Variants in RSBN1L observed in about 807,000 individuals in gnomAD.
The protein encoded by RSBN1L is round spermatid basic protein 1 like, also known as lysine-specific demethylase RSBN1L.
A neutral mutation model predicts 67.7 loss-of-function variants in RSBN1L; 30 were observed. The ratio of observed to expected loss-of-function variants is 0.44; its 90% CI spans 0.33 to 0.60. The LOEUF is 0.60. RSBN1L is among the 20% of genes least tolerant of loss of function. The pLI, the probability that RSBN1L is intolerant of heterozygous loss-of-function variation, is 0.02. For synonymous variants in RSBN1L, 433 were observed against 387.0 expected (o/e 1.12, Z -1.39); for missense variants, 992 against 1,031.7 (o/e 0.96, Z 0.53).
chr7:77,772,987 G>A (rs1385182435), intron 5 of RSBN1L, among the ~76,000 whole-genome samples, 160 bp from the exon 6 acceptor site: 1 of 152,032 alleles, frequency 6.6e-6, no homozygotes, highest in Non-Finnish European at 1.5e-5. Flanking sequence ...AAAAATGAGG[G>A]TATCGTATTT....
chr7:77,749,821 C>G lies in RSBN1L; in HGVS notation c.1101C>G (p.Asn367Lys). ...CATCGGTTATCCATGCCTACAGTAA[C>G]GAACTCTCCCACCTGTCTCCTATGG... ...GGASVIHAYS[N>K]ELSHLSPMEM... Residue 367 changes from asparagine to lysine, a missense_variant, in exon 3 of 8, where the codon AAC becomes AAG. By Grantham distance (94) the Asn-to-Lys change is moderately conservative. Coordinates refer to ENST00000334955, the MANE Select transcript of RSBN1L (RefSeq NM_198467.3). 6.2e-7 allele frequency: 1 copy of G among 1,614,156 alleles called. No homozygotes were observed.
intron 3 of RSBN1L, among the ~76,000 whole-genome samples, chr7:77,755,820 GT>G (rs1020744215): frequency 2.0e-5 from 3 of 152,158 alleles, no homozygotes; most frequent in Non-Finnish European, 2.9e-5. Context: ...AAAATTATGA[GT>G]TGAACCTTCT....
intron 2 of RSBN1L, among the ~76,000 whole-genome samples, chr7:77,739,890 C>T (rs1488265734): frequency 2.0e-5 from 3 of 149,322 alleles, no homozygotes; most frequent in Non-Finnish European, 4.5e-5. Context: ...GCTGGGATTA[C>T]AGCCGCACGC....
At chr7:77,702,903 T>C (rs537821498) in intron 1 of RSBN1L, among the ~76,000 whole-genome samples, 1 of 152,322 alleles carries the variant, frequency 6.6e-6, no homozygotes, top group East Asian at 1.9e-4. Flanking sequence ...GGATTGGGAC[T>C]GTGCCCTTTG....
intron 2 of RSBN1L, among the ~76,000 whole-genome samples, chr7:77,740,900 TG>T (rs1791399847): frequency 6.6e-6 from 1 of 152,032 alleles, no homozygotes; most frequent in Non-Finnish European, 1.5e-5. Flanking sequence ...CGTGTGTATC[TG>T]TGGTACTTTG....
intron 1 of RSBN1L, among the ~76,000 whole-genome samples, chr7:77,718,257 C>T (rs1562796278): frequency 6.6e-6 from 1 of 151,954 alleles, no homozygotes; most frequent in African/African-American, 2.4e-5. Flanking sequence ...TATATTAAGC[C>T]TTTTTTCTTT....
chr7:77,697,087 GC>G lies in RSBN1L; in HGVS notation c.586+33del. On this transcript the variant is annotated intron_variant, in intron 1 of 7. Transcript: ENST00000334955. ...GCCGTGCGGGGAGGGGGAGGGGAGGGCGCCGTGGGTCCCCGCCGCCCCCTGG... is the reference window on the plus strand; with the variant it reads ...GCCGTGCGGGGAGGGGGAGGGGAGGGGCCGTGGGTCCCCGCCGCCCCCTGG... The G allele has an allele frequency of 3.7e-6, 5 of 1,348,310 alleles. 1 individual carries two copies. The highest frequency in any genetic ancestry group is 2.8e-4 in the Middle Eastern group (1 of 3,578). The allele number at this position is 1,348,310 out of a possible 1,614,324, so 83.5% of individuals were successfully genotyped here. A position where few individuals can be genotyped will look rare whatever the true frequency, so the allele number is the denominator to read the frequency against.
chr7:77,761,550 A>G (rs1196697687), intron 3 of RSBN1L, among the ~76,000 whole-genome samples: 3 of 152,336 alleles, frequency 2.0e-5, no homozygotes, highest in East Asian at 1.9e-4. Flanking sequence ...TTTTGCAACA[A>G]AAGAGGTGTC....
intron 1 of RSBN1L, among the ~76,000 whole-genome samples, chr7:77,718,692 T>C (rs1392220131): frequency 6.6e-6 from 1 of 152,216 alleles, no homozygotes; most frequent in Non-Finnish European, 1.5e-5. Flanking sequence ...TTATCTATAA[T>C]AAGACTTTGT....
chr7:77,735,917 T>A (rs28403091), intron 1 of RSBN1L, among the ~76,000 whole-genome samples: 20,146 of 152,096 alleles, frequency 0.13, 1,440 homozygotes, highest in African/African-American at 0.18. Context: ...CAACATCTAG[T>A]CTTATGTATG....
intron 1 of RSBN1L, among the ~76,000 whole-genome samples, chr7:77,709,999 A>G (rs572621409): frequency 6.6e-6 from 1 of 152,230 alleles, no homozygotes; most frequent in South Asian, 2.1e-4. Flanking sequence ...CGTCTTGGAA[A>G]CTGGATTTGT....
intron 1 of RSBN1L, among the ~76,000 whole-genome samples, chr7:77,712,840 C>G (rs1450004150): frequency 6.6e-6 from 1 of 152,110 alleles, no homozygotes; most frequent in Non-Finnish European, 1.5e-5. Context: ...CGTTTATTCA[C>G]TTAAAACTTA....
rs1384346711 is a variant in RSBN1L, at chr7:77,781,833, A to T, written c.*2665A>T. ...CCCCGTCTCTACTAAAAATACAAAA[A>T]AATTAGTTGGGCGTGGTGGCGTGCG... On this transcript the variant is annotated 3_prime_UTR_variant, in exon 8 of 8. Coordinates refer to ENST00000334955, the MANE Select transcript of RSBN1L (RefSeq NM_198467.3). The T allele has an allele frequency of 3.9e-5, 6 of 152,122 alleles. No homozygotes were observed. Among genetic ancestry groups the T allele is most frequent in the Admixed American group, 3.3e-4 (5 of 15,264 alleles). The allele number at this position is 152,122 out of a possible 1,614,324, so 9.4% of individuals were successfully genotyped here.
chr7:77,723,944 ATTT>A (rs10718037), intron 1 of RSBN1L, among the ~76,000 whole-genome samples: 1 of 149,212 alleles, frequency 6.7e-6, no homozygotes, highest in African/African-American at 2.5e-5. Context: ...CAAAAAAAAA[ATTT>A]TTTTTTTTTT....
At chr7:77,744,429 T>C (rs567369476) in intron 2 of RSBN1L, among the ~76,000 whole-genome samples, 5 of 152,214 alleles carry the variant, frequency 3.3e-5, no homozygotes, top group African/African-American at 1.2e-4. Context: ...AGGTGGCAAG[T>C]CTGAATTTGA....
intron 1 of RSBN1L, 68 bp downstream of exon 1, chr7:77,697,123 G>A: frequency 1.5e-6 from 2 of 1,304,864 alleles, no homozygotes; most frequent in Non-Finnish European, 1.9e-6. Flanking sequence ...GCGCCCACGG[G>A]GCCCGGGAAG....
chr7:77,710,422 C>T (rs984190435), intron 1 of RSBN1L, among the ~76,000 whole-genome samples: 2 of 152,126 alleles, frequency 1.3e-5, no homozygotes, highest in African/African-American at 4.8e-5. Flanking sequence ...CTAGAACTTT[C>T]TCTACCCGTT....
At position 77,779,194 on chromosome 7, in the gene RSBN1L, T is replaced by G; in HGVS notation, c.*26T>G. The G allele has an allele frequency of 6.7e-7, 1 of 1,498,672 alleles. No homozygotes were observed. The highest frequency in any genetic ancestry group is 9.0e-7 in the Non-Finnish European group (1 of 1,113,852). 92.8% of individuals were successfully genotyped at this position (1,498,672 alleles called of 1,614,324 possible). ...ATTTGCATATACCATCTAAAATCCT[T>G]TTTTAAAAAAATTTAATGTAATAAA... On this transcript the variant is annotated 3_prime_UTR_variant, in exon 8 of 8. Coordinates refer to ENST00000334955, the MANE Select transcript of RSBN1L (RefSeq NM_198467.3).
At chr7:77,715,897 A>G (rs764682764) in intron 1 of RSBN1L, among the ~76,000 whole-genome samples, 5 of 152,126 alleles carry the variant, frequency 3.3e-5, no homozygotes, top group Non-Finnish European at 5.9e-5. Context: ...TTTTCTATAT[A>G]TATCTCTTTG....
Sources: allele counts gnomAD v4.1 joint callset (sites outside exome capture counted in the v4.1 genomes callset), GRCh38; gene constraint gnomAD v4.1.1; transcripts MANE v1.5; gene names NCBI Gene and HGNC (gene_info 2026-07-23, HGNC 2026-07-21).